Variants in KCNQ5 observed in about 807,000 individuals in gnomAD.
The protein encoded by KCNQ5 is potassium voltage-gated channel subfamily KQT member 5.
KCNQ5 carries 30 observed loss-of-function variants against 98.2 expected under a neutral mutation model. The ratio of observed to expected loss-of-function variants is 0.31; its 90% CI spans 0.23 to 0.41. The LOEUF (loss-of-function observed/expected upper bound fraction) is 0.41, where lower values mean the gene tolerates loss of function less well. Among genes scored for constraint, KCNQ5 ranks in the 10% least tolerant of loss-of-function variants. KCNQ5 has a pLI of 1.00. For missense variants in KCNQ5, 835 were observed against 1,182.5 expected, an observed-to-expected ratio of 0.71 and a Z score of 4.31; for synonymous variants, 458 against 449.4, an observed-to-expected ratio of 1.02 and a Z score of -0.24.
chr6:72,973,334 T>G (rs1767994058), intron 1 of KCNQ5, among the ~76,000 whole-genome samples: 1 of 152,052 alleles, frequency 6.6e-6, no homozygotes, highest in African/African-American at 2.4e-5. Context: ...AAAACCTAAG[T>G]CACTCAAAAG....
At chr6:72,659,427 G>A (rs73533670) in intron 1 of KCNQ5, among the ~76,000 whole-genome samples, 5,880 of 152,082 alleles carry the variant, frequency 0.039, 129 homozygotes, top group Middle Eastern at 0.13. Flanking sequence ...TAGTTCATTC[G>A]TGCTGTCATA....
chr6:72,855,263 T>C (rs892733363), intron 1 of KCNQ5, among the ~76,000 whole-genome samples: 1 of 151,010 alleles, frequency 6.6e-6, no homozygotes, highest in Non-Finnish European at 1.5e-5. Flanking sequence ...CGTTTATATC[T>C]AAGGAACATG....
At chr6:72,751,711 T>A (rs1441597756) in intron 1 of KCNQ5, among the ~76,000 whole-genome samples, 1 of 152,070 alleles carries the variant, frequency 6.6e-6, no homozygotes, top group Non-Finnish European at 1.5e-5. Context: ...TAGGCATCAC[T>A]CTTATTTAGT....
At chr6:72,804,701 A>T (rs560932329) in intron 1 of KCNQ5, among the ~76,000 whole-genome samples, 188 of 152,284 alleles carry the variant, frequency 1.2e-3, no homozygotes, top group African/African-American at 4.1e-3. Flanking sequence ...GCTGAATCAT[A>T]TGGTAGCTCT....
intron 6 of KCNQ5, among the ~76,000 whole-genome samples, chr6:73,108,430 C>A (rs4708030): frequency 0.96 from 145,774 of 152,342 alleles, 69,741 homozygotes; most frequent in South Asian, 0.98. Context: ...GTTTGACTCA[C>A]GATATTAACC....
chr6:72,880,276 G>A (rs1778586664), intron 1 of KCNQ5, among the ~76,000 whole-genome samples: 3 of 152,208 alleles, frequency 2.0e-5, no homozygotes, highest in Admixed American at 2.0e-4. Flanking sequence ...TCAAGATCAA[G>A]GTGACAGCAG....
chr6:72,702,024 T>C (rs947613671), intron 1 of KCNQ5, among the ~76,000 whole-genome samples: 1 of 152,154 alleles, frequency 6.6e-6, no homozygotes. Context: ...GGGCTGTTTT[T>C]TGAGGTATTT....
In KCNQ5 at chr6:72,686,717, GT is replaced by G. The variant is rs1554688157; in HGVS notation, c.398+64150del. Among the ~76,000 whole-genome samples the G allele has an allele frequency of 4.9e-3, 482 of 97,480 alleles. 4 individuals carry two copies. Among genetic ancestry groups the G allele is most frequent in the African/African-American group, 9.3e-3 (260 of 28,060 alleles). 64.0% of individuals were successfully genotyped at this position (97,480 alleles called of 152,430 possible). On this transcript the variant is annotated intron_variant, in intron 1 of 13. Transcript: ENST00000370398. ...TTTAGTTTGAGAATCTTTATGGGTT[GT>G]TTTTTTTTTTTTTTTTTTTACTTTT...
intron 1 of KCNQ5, among the ~76,000 whole-genome samples, chr6:72,905,493 C>T (rs1187186146): frequency 1.3e-5 from 2 of 152,134 alleles, no homozygotes; most frequent in Non-Finnish European, 2.9e-5. Context: ...GGTTCCTTCT[C>T]ATTTGGGTAG....
chr6:72,853,840 A>T (rs1777403952), intron 1 of KCNQ5, among the ~76,000 whole-genome samples: 1 of 152,216 alleles, frequency 6.6e-6, no homozygotes, highest in Non-Finnish European at 1.5e-5. Flanking sequence ...TTCCATTTCC[A>T]TTCATTTTTA....
chr6:72,838,236 A>G (rs192329793), intron 1 of KCNQ5, among the ~76,000 whole-genome samples: 17 of 151,780 alleles, frequency 1.1e-4, no homozygotes, highest in African/African-American at 3.6e-4. Context: ...CTCTTTTCCT[A>G]TGGACACCAG....
intron 1 of KCNQ5, among the ~76,000 whole-genome samples, chr6:72,633,649 A>G (rs1363040433): frequency 6.6e-6 from 1 of 152,248 alleles, no homozygotes; most frequent in East Asian, 1.9e-4. Context: ...CTATAAGGCT[A>G]TACCAAACAA....
intron 1 of KCNQ5, among the ~76,000 whole-genome samples, chr6:72,863,129 A>G (rs1777837311): frequency 6.6e-6 from 1 of 152,156 alleles, no homozygotes; most frequent in South Asian, 2.1e-4. Flanking sequence ...TAGAGGATGC[A>G]TTTCTCAGCA....
intron 11 of KCNQ5, among the ~76,000 whole-genome samples, chr6:73,181,251 G>A (rs3799284): frequency 0.048 from 7,319 of 152,220 alleles, 200 homozygotes; most frequent in East Asian, 0.11. Context: ...TTTGTGCAAT[G>A]GGTTTATTAG....
At chr6:72,654,041 G>A (rs982337402) in intron 1 of KCNQ5, among the ~76,000 whole-genome samples, 1 of 152,040 alleles carries the variant, frequency 6.6e-6, no homozygotes, top group Non-Finnish European at 1.5e-5. Flanking sequence ...TTGATACTGT[G>A]ATTGAGTACA....
At chr6:72,898,653 A>G (rs192745462) in intron 1 of KCNQ5, among the ~76,000 whole-genome samples, 1 of 152,342 alleles carries the variant, frequency 6.6e-6, no homozygotes, top group Non-Finnish European at 1.5e-5. Flanking sequence ...ATGTATCTTT[A>G]TAATAGAATG....
chr6:72,747,507 G>A (rs1036934238), intron 1 of KCNQ5, among the ~76,000 whole-genome samples: 8 of 152,052 alleles, frequency 5.3e-5, no homozygotes, highest in African/African-American at 1.9e-4. Context: ...TTTCATGATG[G>A]CAAATTAAAA....
chr6:72,754,353 A>G (rs1344564619), intron 1 of KCNQ5, among the ~76,000 whole-genome samples: 1 of 152,144 alleles, frequency 6.6e-6, no homozygotes, highest in Non-Finnish European at 1.5e-5. Flanking sequence ...GGATAAGCTC[A>G]CTTGGTCATG....
At chr6:72,962,470 CA>C (rs1236986894) in intron 1 of KCNQ5, among the ~76,000 whole-genome samples, 23 of 151,746 alleles carry the variant, frequency 1.5e-4, no homozygotes, top group Middle Eastern at 3.4e-3. Context: ...AACTGAAAAC[CA>C]CCTGTACACC....
Sources: gnomAD v4.1 joint callset for allele counts (sites outside exome capture counted in the v4.1 genomes callset) on GRCh38, gnomAD v4.1.1 for gene constraint, MANE v1.5 for transcripts, NCBI Gene and HGNC (gene_info 2026-07-23, HGNC 2026-07-21) for gene names.